The following DYNC1H1 variants were observed in gnomAD, a reference collection of about 807,000 sequenced individuals.
The protein encoded by DYNC1H1 is dynein cytoplasmic 1 heavy chain 1, also known as cytoplasmic dynein 1 heavy chain 1.
DYNC1H1 carries 51 observed loss-of-function variants against 527.1 expected under a neutral mutation model. The observed-to-expected ratio is 0.10, with a 90% CI of 0.08 to 0.12. The LOEUF is 0.12. Among genes scored for constraint, DYNC1H1 ranks in the 10% least tolerant of loss-of-function variants. DYNC1H1 has a pLI of 1.00. For missense variants in DYNC1H1, 2,771 were observed against 5,971.8 expected (o/e 0.46, Z 17.66); for synonymous variants, 2,189 against 2,278.8 (o/e 0.96, Z 1.12).
chr14:102,033,898 G>A lies in DYNC1H1; in HGVS notation c.10414-78G>A. On this transcript the variant is annotated intron_variant, in intron 54 of 77. Coordinates refer to ENST00000360184, the MANE Select transcript of DYNC1H1 (RefSeq NM_001376.5). The surrounding 1 kb of genome is among the most constrained non-coding windows in gnomAD (Gnocchi z 5.6). ...CCACCCAAAACCCTGCACATAATGT[G>A]GATGAACCGATTTGCAGGATTCGGT... 6.6e-7 allele frequency: 1 copy of A among 1,519,998 alleles called. No homozygotes were observed. The allele number at this position is 1,519,998 out of a possible 1,614,324, so 94.2% of individuals were successfully genotyped here.
chr14:102,048,486 A>G, intron 73 of DYNC1H1, 30 bp from the exon 74 acceptor site: 1 of 1,613,870 alleles, frequency 6.2e-7, no homozygotes, highest in African/African-American at 1.3e-5. Context: ...CCTCTTCCTA[A>G]CTTCTCTTCA....
chr14:102,026,681 C>G lies in DYNC1H1; in HGVS notation c.8745C>G (p.Val2915=). 3 of 1,614,078 alleles carry G rather than the reference C, an allele frequency of 1.9e-6. No individual in the cohort carries two copies. The highest frequency in any genetic ancestry group is 1.7e-4 in the Middle Eastern group (1 of 6,060). Residue 2915 remains valine (V), a synonymous_variant, in exon 44 of 78, where the codon GTC becomes GTG. Coordinates refer to ENST00000360184, the MANE Select transcript of DYNC1H1 (RefSeq NM_001376.5). ...TTCCGCTGGTGCTGTTTAATGAAGT[C>G]CTAGACCACGTGCTGAGGATTGACA... ...LDVPLVLFNE[V]LDHVLRIDRI...
chr14:102,001,501 A>G lies in DYNC1H1; in HGVS notation c.4396-34A>G, dbSNP rs369826805. 44 of 1,614,060 alleles carry G rather than the reference A, an allele frequency of 2.7e-5. No individual in the cohort carries two copies. The highest frequency in any genetic ancestry group is 2.9e-5 in the Non-Finnish European group (34 of 1,180,050). On this transcript the variant is annotated intron_variant, in intron 20 of 77. Transcript: ENST00000360184. The surrounding 1 kb of genome is among the most constrained non-coding windows in gnomAD (Gnocchi z 5.0). ...TTGTGCAGGTAGTGAATGCCCACAT[A>G]TTGATAACATGCATCTTTCTGGTTT...
chr14:101,979,156 A>C lies in DYNC1H1; in HGVS notation c.345-163A>C, dbSNP rs1478164711. Among the ~76,000 whole-genome samples the C allele has an allele frequency of 6.6e-6, 1 of 152,220 alleles. No homozygotes were observed. Among genetic ancestry groups the C allele is most frequent in the Non-Finnish European group, 1.5e-5 (1 of 68,032 alleles). ...GTTTCATGTTTGTTCACATTCTGTAACCATAACCTTGATTCAGTAGCTCTC... is the reference window on the plus strand; with the variant it reads ...GTTTCATGTTTGTTCACATTCTGTACCCATAACCTTGATTCAGTAGCTCTC... On this transcript the variant is annotated intron_variant, in intron 2 of 77. Coordinates refer to ENST00000360184, the MANE Select transcript of DYNC1H1 (RefSeq NM_001376.5). The surrounding 1 kb of genome is among the most constrained non-coding windows in gnomAD (Gnocchi z 4.6).
Position 101,995,350 on chromosome 14 carries a change from G to T in DYNC1H1, c.3564+50G>T, listed in dbSNP as rs572610436. The T allele has an allele frequency of 4.3e-6, 7 of 1,610,470 alleles. No homozygotes were observed. In the African/African-American group the frequency reaches 6.7e-5, roughly 15 times the overall value. ...TTTTTGGCTGGGCGTGGTGGCTCAC[G>T]CCTGTAATCCCAGCACTTTGGGAGG... On this transcript the variant is annotated intron_variant, in intron 15 of 77. Coordinates refer to ENST00000360184, the MANE Select transcript of DYNC1H1 (RefSeq NM_001376.5).
At chr14:101,988,904 T>G (rs747765116) in intron 10 of DYNC1H1, 52 bp downstream of exon 10, 1 of 1,609,920 alleles carries the variant, frequency 6.2e-7, no homozygotes, top group South Asian at 1.1e-5. Flanking sequence ...AACAAAACTC[T>G]CTCGTTAAAA....
intron 73 of DYNC1H1, 80 bp from the exon 74 acceptor site, chr14:102,048,436 G>A: frequency 3.1e-6 from 5 of 1,591,518 alleles, no homozygotes; most frequent in Non-Finnish European, 4.3e-6. Flanking sequence ...CTCCCCGGAG[G>A]CCGAGTTACT....
At position 102,012,227 on chromosome 14, in the gene DYNC1H1, G is replaced by A; in HGVS notation, c.6858-87G>A. 6.2e-7 allele frequency: 1 copy of A among 1,612,626 alleles called. No homozygotes were observed. Among genetic ancestry groups the A allele is most frequent in the Non-Finnish European group, 8.5e-7 (1 of 1,178,898 alleles). Reference sequence around the variant, plus strand: ...CAACCAAAGTCTGAGCAAATTAAAGGTCATTTCAGAAACCATCATCGGTAA... The same window carrying A: ...CAACCAAAGTCTGAGCAAATTAAAGATCATTTCAGAAACCATCATCGGTAA... On this transcript the variant is annotated intron_variant, in intron 33 of 77. Transcript: ENST00000360184. This position sits in a 1 kb window ranked among gnomAD's most constrained non-coding sequence, Gnocchi z 4.9.
intron 11 of DYNC1H1, among the ~76,000 whole-genome samples, chr14:101,992,010 C>CA (rs2048004214): frequency 6.6e-6 from 1 of 150,892 alleles, no homozygotes; most frequent in African/African-American, 2.4e-5. Context: ...AAGAGCCCCC[C>CA]ACCACACAGC....
chr14:102,044,219 C>A lies in DYNC1H1; in HGVS notation c.12685-55C>A. On this transcript the variant is annotated intron_variant, in intron 70 of 77. Coordinates refer to ENST00000360184, the MANE Select transcript of DYNC1H1 (RefSeq NM_001376.5). This position sits in a 1 kb window ranked among gnomAD's most constrained non-coding sequence, Gnocchi z 7.1. ...GAAAGCTGTGCCCCTCGAAAGGAAGCCCCGGGCCTGCCCGCCTCTGACCAC... is the reference window on the plus strand; with the variant it reads ...GAAAGCTGTGCCCCTCGAAAGGAAGACCCGGGCCTGCCCGCCTCTGACCAC... 1 of 1,605,846 alleles carries A rather than the reference C, an allele frequency of 6.2e-7. No homozygotes were observed. The highest frequency in any genetic ancestry group is 8.5e-7 in the Non-Finnish European group (1 of 1,176,690).
intron 11 of DYNC1H1, among the ~76,000 whole-genome samples, chr14:101,992,417 A>G (rs1451441146): frequency 6.6e-6 from 1 of 152,166 alleles, no homozygotes; most frequent in East Asian, 1.9e-4. Flanking sequence ...CTGCCCTTCA[A>G]GGAGTCTACG....
rs2048146672 is a variant in DYNC1H1 at position 102,002,757 on chromosome 14, A to G, written c.4710-35A>G. On this transcript the variant is annotated intron_variant, in intron 22 of 77. Coordinates refer to ENST00000360184, the MANE Select transcript of DYNC1H1 (RefSeq NM_001376.5). The surrounding 1 kb of genome is among the most constrained non-coding windows in gnomAD (Gnocchi z 4.4). ...TGCCAGCGGCTAGTGACTACTCTAC[A>G]CAAAGGCTGACGCATGTTTTAATTT... is the stretch of plus-strand genomic sequence containing the variant. 9 of 1,614,148 alleles carry G rather than the reference A, an allele frequency of 5.6e-6. No individual in the cohort carries two copies. The highest frequency in any genetic ancestry group is 3.3e-4 in the Middle Eastern group (2 of 6,084).
chr14:102,021,425 A>C (rs1001580167), intron 42 of DYNC1H1, among the ~76,000 whole-genome samples: 1 of 152,188 alleles, frequency 6.6e-6, no homozygotes, highest in African/African-American at 2.4e-5. Context: ...AATTTTGTTT[A>C]AATTCAAATG....
rs771563083 is a variant in DYNC1H1, at chr14:102,039,726, C to T, written c.11684C>T (p.Thr3895Ile). The T allele has an allele frequency of 2.9e-5, 47 of 1,614,080 alleles. No individual in the cohort carries two copies. The highest frequency in any genetic ancestry group is 3.9e-5 in the Non-Finnish European group (46 of 1,180,060). The change falls in exon 62 of 78, where the codon ACC (threonine) becomes ATC (isoleucine). Residue 3895 changes from threonine to isoleucine, a missense_variant. Around this residue, in one of 32 missense-constraint regions of DYNC1H1, gnomAD observed 120 missense variants for 161.9 expected, o/e 0.74. Coordinates refer to ENST00000360184, the MANE Select transcript of DYNC1H1 (RefSeq NM_001376.5). This position sits in a 1 kb window ranked among gnomAD's most constrained non-coding sequence, Gnocchi z 7.0. ...CTGGCAAGAATCAAACTGAAGGGCACCGTGGGGTAAGAGCACTCACGCCCA... is the reference window on the plus strand; with the variant it reads ...CTGGCAAGAATCAAACTGAAGGGCATCGTGGGGTAAGAGCACTCACGCCCA... ...MLLARIKLKG[T>I]VGEPTYDAEF...
rs1267511172 is a variant in DYNC1H1, at chr14:102,029,942, T to C, written c.9762+4T>C. On this transcript the variant is annotated splice_donor_region_variant and intron_variant, in intron 50 of 77. Transcript: ENST00000360184. The surrounding 1 kb of genome is among the most constrained non-coding windows in gnomAD (Gnocchi z 5.3). ...GCAGGAGGCTGAAAAGAAGAAGGTA[T>C]GGTGTCAGGGAATTCTGGCCTGTAA... 4 of 1,613,806 alleles carry C rather than the reference T, an allele frequency of 2.5e-6. No homozygotes were observed. Among genetic ancestry groups the C allele is most frequent in the African/African-American group, 1.3e-5 (1 of 74,816 alleles).
Position 102,005,072 on chromosome 14 carries a change from G to T in DYNC1H1, c.5269G>T (p.Ala1757Ser). ...AQLVVLSAQI[A>S]WSENVETALS... ...GCTTGTGGTTTTGTCAGCCCAGATA[G>T]CCTGGTCTGAGAACGTGGAGACCGC... Residue 1757 changes from alanine (A) to serine (S), a missense_variant, in exon 26 of 78, where the codon GCC (alanine) becomes TCC (serine). By Grantham distance (99) the Ala-to-Ser change is moderately conservative. This residue lies in a region of DYNC1H1 where 105 missense variants were observed against 138.1 expected (regional missense o/e 0.76). Coordinates refer to ENST00000360184, the MANE Select transcript of DYNC1H1 (RefSeq NM_001376.5). This position sits in a 1 kb window ranked among gnomAD's most constrained non-coding sequence, Gnocchi z 4.0. 6.2e-7 allele frequency: 1 copy of T among 1,614,194 alleles called. No homozygotes were observed. Among genetic ancestry groups the T allele is most frequent in the East Asian group, 2.2e-5 (1 of 44,888 alleles).
intron 48 of DYNC1H1, chr14:102,028,511 A>G: frequency 2.9e-6 from 1 of 342,802 alleles, no homozygotes; most frequent in Non-Finnish European, 5.7e-6. Flanking sequence ...CAAGACCCAG[A>G]CTCAAAACAA....
intron 28 of DYNC1H1, 55 bp from the exon 29 acceptor site, chr14:102,008,123 A>G: frequency 6.2e-7 from 1 of 1,609,068 alleles, no homozygotes; most frequent in South Asian, 1.1e-5. Context: ...GGGAGAGGGG[A>G]GACAATTGAG....
intron 52 of DYNC1H1, 87 bp from the exon 53 acceptor site, chr14:102,032,978 G>A (rs1284224187): frequency 1.5e-6 from 2 of 1,361,168 alleles, no homozygotes; most frequent in African/African-American, 1.4e-5. Context: ...ATGGGAGCTG[G>A]CTCTGGTCTC....
Sources: allele counts gnomAD v4.1 joint callset (sites outside exome capture counted in the v4.1 genomes callset), GRCh38; gene constraint gnomAD v4.1.1; regional missense constraint gnomAD v4.1.1; non-coding constraint Gnocchi (gnomAD v3.1); transcripts MANE v1.5; gene names NCBI Gene and HGNC (gene_info 2026-07-23, HGNC 2026-07-21).